The following PIBF1 variants were observed in gnomAD, a reference collection of about 807,000 sequenced individuals.
The protein encoded by PIBF1 is progesterone-induced-blocking factor 1.
PIBF1 carries 90 observed loss-of-function variants against 112.5 expected under a neutral mutation model. That is an observed-to-expected ratio of 0.80 (90% confidence interval 0.67 to 0.95). The LOEUF is 0.95. Ranked by LOEUF, PIBF1 falls within the 40% of genes least tolerant of loss-of-function variation. PIBF1 has a pLI of 0.00. For missense variants in PIBF1, 915 were observed against 852.3 expected (o/e 1.07, Z -0.92); for synonymous variants, 301 against 288.6 (o/e 1.04, Z -0.44).
chr13:72,933,934 TTAA>T (rs1207151098), intron 14 of PIBF1, among the ~76,000 whole-genome samples: 2 of 152,192 alleles, frequency 1.3e-5, no homozygotes, highest in Non-Finnish European at 2.9e-5. Context: ...TCACAAAATG[TTAA>T]TAATGTTTGA....
chr13:72,834,644 AAAAC>A (rs1280882102), intron 8 of PIBF1, among the ~76,000 whole-genome samples: 8 of 152,132 alleles, frequency 5.3e-5, no homozygotes, highest in African/African-American at 1.9e-4. Context: ...AAAAAATACT[AAAAC>A]AAAACAAATT....
At chr13:72,987,858 A>ATTTTTTTTTTTTTTTTTTT (rs55999445) in intron 16 of PIBF1, among the ~76,000 whole-genome samples, 14 of 58,100 alleles carry the variant, frequency 2.4e-4, no homozygotes, top group African/African-American at 5.6e-4. Context: ...TTATTTATTT[A>ATTTTTTTTTTTTTTTTTTT]TTTTTTTTTT....
At chr13:72,832,360 C>T (rs559641599) in intron 8 of PIBF1, among the ~76,000 whole-genome samples, 130 of 152,064 alleles carry the variant, frequency 8.5e-4, no homozygotes, top group African/African-American at 3.0e-3. Context: ...TTCATAGTGT[C>T]GATGGTCTTT....
intron 9 of PIBF1, among the ~76,000 whole-genome samples, chr13:72,839,670 C>T (rs531204947): frequency 1.4e-4 from 21 of 152,240 alleles, no homozygotes; most frequent in Admixed American, 4.6e-4. Flanking sequence ...TCCACATAGC[C>T]ATATAAACTT....
At chr13:72,958,388 A>G (rs980822279) in intron 14 of PIBF1, among the ~76,000 whole-genome samples, 2 of 151,694 alleles carry the variant, frequency 1.3e-5, no homozygotes, top group South Asian at 2.1e-4. Flanking sequence ...ATCTACTTCA[A>G]TGACTTCAGT....
chr13:72,990,213 CAA>C (rs34873893), intron 16 of PIBF1, among the ~76,000 whole-genome samples: 1,011 of 52,620 alleles, frequency 0.019, 13 homozygotes, highest in African/African-American at 0.073. Context: ...GACTCTGTCT[CAA>C]AAAAAAAAAA....
chr13:72,807,166 A>G (rs1171159352), intron 5 of PIBF1, among the ~76,000 whole-genome samples: 1 of 127,968 alleles, frequency 7.8e-6, no homozygotes, highest in Non-Finnish European at 1.7e-5. Flanking sequence ...TTAGTAGGTG[A>G]AGGATAAGAG....
chr13:73,010,574 G>T (rs1230709909), intron 17 of PIBF1, among the ~76,000 whole-genome samples: 1 of 151,898 alleles, frequency 6.6e-6, no homozygotes, highest in African/African-American at 2.4e-5. Flanking sequence ...CTGCACTCCA[G>T]CCTGGGCAAC....
At position 72,998,910 on chromosome 13, in the gene PIBF1, A is replaced by G. The variant is rs41286070; in HGVS notation, c.2138A>G (p.His713Arg). Residue 713 changes from histidine (H) to arginine (R), a missense_variant, in exon 17 of 18, where the codon CAT becomes CGT. By Grantham distance (29) the His-to-Arg change is conservative. Transcript: ENST00000326291. ...SLLLTKTEPK[H>R]VTENQKSKTL... is the part of the protein sequence containing the mutation. ...CTTCTCACTAAAACAGAACCAAAAC[A>G]TGTGACAGAAAATCAGAAATCAAAG... 2.5e-5 allele frequency: 41 copies of G among 1,611,934 alleles called. 1 individual carries two copies. The South Asian group carries it at 3.3e-4, about 13-fold the overall frequency.
In PIBF1 at chr13:72,854,080, A is replaced by G. The variant is rs1392888390; in HGVS notation, c.1247A>G (p.Asn416Ser). The G allele has an allele frequency of 1.9e-6, 3 of 1,612,856 alleles. No individual in the cohort carries two copies. The highest frequency in any genetic ancestry group is 2.2e-5 in the South Asian group (2 of 91,048). The change falls in exon 10 of 18, where the codon AAT becomes AGT. Residue 416 changes from asparagine (N) to serine (S), a missense_variant. By Grantham distance (46) the Asn-to-Ser change is conservative. Transcript: ENST00000326291. ...ENRNLREARD[N>S]AVAEKERAVM... ...AGAAATCTCCGAGAAGCAAGGGATA[A>G]TGCTGTGGCTGAAAAGGAACGAGCA... is the stretch of plus-strand genomic sequence containing the variant.
intron 12 of PIBF1, among the ~76,000 whole-genome samples, chr13:72,910,774 A>G (rs1323015725): frequency 6.6e-6 from 1 of 152,220 alleles, no homozygotes; most frequent in Non-Finnish European, 1.5e-5. Context: ...TTACCCAAAA[A>G]TATACTAGAA....
intron 3 of PIBF1, among the ~76,000 whole-genome samples, chr13:72,793,516 G>A (rs181668428): frequency 2.6e-5 from 4 of 152,322 alleles, no homozygotes; most frequent in Admixed American, 1.3e-4. Context: ...GTTCGCAGGT[G>A]ATGCAGATGC....
At chr13:72,809,808 C>T (rs547718005) in intron 5 of PIBF1, among the ~76,000 whole-genome samples, 53 of 151,876 alleles carry the variant, frequency 3.5e-4, no homozygotes, top group African/African-American at 1.2e-3. Context: ...AGGCTGGTCT[C>T]GAACTCCTGA....
intron 14 of PIBF1, among the ~76,000 whole-genome samples, chr13:72,954,366 C>T (rs945188603): frequency 3.3e-5 from 5 of 152,190 alleles, no homozygotes; most frequent in Admixed American, 6.5e-5. Flanking sequence ...CACTATAGCA[C>T]ACTTCATGCC....
At chr13:72,815,318 T>C (rs1330765741) in intron 5 of PIBF1, among the ~76,000 whole-genome samples, 1 of 152,224 alleles carries the variant, frequency 6.6e-6, no homozygotes, top group East Asian at 1.9e-4. Flanking sequence ...CATGAACACA[T>C]TAACGTATCA....
At chr13:72,863,129 A>G (rs1241364142) in intron 10 of PIBF1, among the ~76,000 whole-genome samples, 1 of 152,170 alleles carries the variant, frequency 6.6e-6, no homozygotes, top group Non-Finnish European at 1.5e-5. Flanking sequence ...AACAGACTAT[A>G]TATTTTGCAT....
intron 10 of PIBF1, among the ~76,000 whole-genome samples, chr13:72,877,535 A>C (rs2039458955): frequency 6.6e-6 from 1 of 152,028 alleles, no homozygotes. Context: ...GGAAGGTTTA[A>C]ATTATTGATT....
intron 10 of PIBF1, among the ~76,000 whole-genome samples, chr13:72,879,400 A>G (rs2039533165): frequency 1.3e-5 from 2 of 152,166 alleles, no homozygotes; most frequent in Admixed American, 6.6e-5. Context: ...GTAGGGAAAG[A>G]AAGAAAATTA....
intron 16 of PIBF1, among the ~76,000 whole-genome samples, chr13:72,995,649 A>T (rs557296304): frequency 6.6e-6 from 1 of 152,182 alleles, no homozygotes; most frequent in Non-Finnish European, 1.5e-5. Context: ...TCAAAGATCT[A>T]TATGTTTGAA....
Sources: allele counts gnomAD v4.1 joint callset (sites outside exome capture counted in the v4.1 genomes callset), GRCh38; gene constraint gnomAD v4.1.1; transcripts MANE v1.5; gene names NCBI Gene and HGNC (gene_info 2026-07-23, HGNC 2026-07-21).